WFS1: variants seen among roughly 807,000 people sequenced by gnomAD.
The protein encoded by WFS1 is wolframin ER transmembrane glycoprotein, also known as wolframin.
In WFS1, 90 loss-of-function variants were observed where a neutral mutation model predicts 68.5. The observed-to-expected ratio is 1.31, with a 90% CI of 1.11 to 1.56. The LOEUF (loss-of-function observed/expected upper bound fraction) is 1.56. Ranked by LOEUF, WFS1 falls within the 40% of genes most tolerant of loss-of-function variation. The pLI is 0.00. For synonymous variants in WFS1, 860 were observed against 540.7 expected (o/e 1.59, Z -8.19); for missense variants, 1,767 against 1,232.6 (o/e 1.43, Z -6.49).
Position 6,301,775 on chromosome 4 carries a change from C to G in WFS1, c.1980C>G (p.Tyr660Ter). 1 of 1,613,634 alleles carries G rather than the reference C, an allele frequency of 6.2e-7. No homozygotes were observed. Among genetic ancestry groups the G allele is most frequent in the Non-Finnish European group, 8.5e-7 (1 of 1,180,046 alleles). Residue 660 changes from tyrosine to a stop codon, truncating the protein, a stop_gained, in exon 8 of 8, where the codon TAC becomes TAG. Coordinates refer to ENST00000226760, the MANE Select transcript of WFS1 (RefSeq NM_006005.3). LOFTEE classifies it high-confidence loss of function. ...YVYRSEGMKV[Y>*]NSTLTWQQYG... ...ACCGCTCAGAGGGCATGAAGGTCTA[C>G]AACTCCACACTGACCTGGCAGCAGT...
intron 7 of WFS1, among the ~76,000 whole-genome samples, chr4:6,299,876 C>CGTG (rs1730803483): frequency 4.1e-5 from 2 of 48,974 alleles, no homozygotes; most frequent in African/African-American, 1.9e-4. Context: ...TAGGGGTGGG[C>CGTG]TGCATGTGTG....
intron 5 of WFS1, 65 bp downstream of exon 5, chr4:6,291,432 C>T: frequency 6.3e-7 from 1 of 1,586,222 alleles, no homozygotes; most frequent in Non-Finnish European, 8.5e-7. Flanking sequence ...GAGCCAGGAC[C>T]TTCCCATAGG....
At position 6,281,416 on chromosome 4, in the gene WFS1, C is replaced by T. The variant is rs564920889; in HGVS notation, c.232+3729C>T. Among the ~76,000 whole-genome samples, 10 of 152,174 alleles carry T rather than the reference C, an allele frequency of 6.6e-5. No individual in the cohort carries two copies. The East Asian group carries it at 7.7e-4, about 12-fold the overall frequency. ...GGTCAGGGAAAGGAGAGGGCATTGT[C>T]GTGAGTGGGGCTCAGCTGTTAGATG... is the stretch of plus-strand genomic sequence containing the variant. On this transcript the variant is annotated intron_variant, in intron 2 of 7. Transcript: ENST00000226760.
chr4:6,286,867 C>T (rs1351171922), intron 2 of WFS1, among the ~76,000 whole-genome samples: 2 of 152,202 alleles, frequency 1.3e-5, no homozygotes, highest in African/African-American at 4.8e-5. Context: ...ACCTCACCCG[C>T]ATAGAGTTTG....
At chr4:6,285,633 C>A (rs1195298212) in intron 2 of WFS1, among the ~76,000 whole-genome samples, 4 of 152,252 alleles carry the variant, frequency 2.6e-5, no homozygotes, top group African/African-American at 9.6e-5. Context: ...TGTGACCCTT[C>A]CTCTCTGCCT....
Position 6,277,625 on chromosome 4 carries a change from C to T in WFS1, c.170C>T (p.Ala57Val). The change falls in exon 2 of 8, where the codon GCA becomes GTA. Residue 57 changes from alanine to valine, a missense_variant. Coordinates refer to ENST00000226760, the MANE Select transcript of WFS1 (RefSeq NM_006005.3). ...GGCCCTGGCCCTGGTGTTAGAGACG[C>T]AGCGGCCCCCGCTGAACCCCAGGCC... ...QAGPGPGVRD[A>V]AAPAEPQAQH... is the part of the protein sequence containing the mutation. 6.4e-7 allele frequency: 1 copy of T among 1,571,556 alleles called. No individual in the cohort carries two copies.
intron 1 of WFS1, 148 bp from the exon 2 acceptor site, chr4:6,277,303 G>C: frequency 1.3e-6 from 1 of 768,396 alleles, no homozygotes; most frequent in Non-Finnish European, 2.2e-6. Context: ...CTGGCCCATG[G>C]GGACTGTACT....
chr4:6,302,109 C>A lies in WFS1; in HGVS notation c.2314C>A (p.Arg772Ser). The change falls in exon 8 of 8, where the codon CGC becomes AGC. Residue 772 changes from arginine (R) to serine (S), a missense_variant. By Grantham distance (110) the Arg-to-Ser change is moderately radical. Transcript: ENST00000226760. ...CCCCTGCCACATCAAGAAGTTCGAC[C>A]GCTACAAGTTTGAGATTACCGTGGG... ...KHPCHIKKFD[R>S]YKFEITVGMP... The A allele has an allele frequency of 6.2e-7, 1 of 1,612,938 alleles. No individual in the cohort carries two copies. The highest frequency in any genetic ancestry group is 2.2e-5 in the East Asian group (1 of 44,882).
intron 6 of WFS1, among the ~76,000 whole-genome samples, chr4:6,292,574 C>T (rs1730496722): frequency 6.6e-6 from 1 of 152,072 alleles, no homozygotes; most frequent in South Asian, 2.1e-4. Flanking sequence ...AGAGACGTCA[C>T]ATCCTCCACG....
rs574459169 is a variant in WFS1 at position 6,287,154 on chromosome 4, G to A, written c.294G>A (p.Gly98=). The A allele has an allele frequency of 3.8e-6, 6 of 1,560,422 alleles. No homozygotes were observed. In the South Asian group the frequency reaches 5.9e-5, roughly 15 times the overall value. The part of the protein sequence containing the change: ...FEEVLERAKA[G]DPKAQTEVGK... ...AAGTCCTGGAGAGGGCCAAGGCCGGGGACCCCAAGGCACAGACTGAGGTGA... is the reference window on the plus strand; with the variant it reads ...AAGTCCTGGAGAGGGCCAAGGCCGGAGACCCCAAGGCACAGACTGAGGTGA... The change falls in exon 3 of 8, where the codon GGG becomes GGA. Residue 98 remains glycine (G), a synonymous_variant. Transcript: ENST00000226760. This position sits in a 1 kb window ranked among gnomAD's most constrained non-coding sequence, Gnocchi z 6.4.
At chr4:6,293,383 T>G (rs897620707) in intron 6 of WFS1, among the ~76,000 whole-genome samples, 1 of 152,132 alleles carries the variant, frequency 6.6e-6, no homozygotes, top group Admixed American at 6.5e-5. Flanking sequence ...AACGTTCCCA[T>G]CAGGCATCAT....
chr4:6,271,303 G>A (rs1209364948), intron 1 of WFS1, among the ~76,000 whole-genome samples: 2 of 152,204 alleles, frequency 1.3e-5, no homozygotes, highest in East Asian at 3.9e-4. Flanking sequence ...GCAGACACAG[G>A]AAAAGTTGGC....
Position 6,302,341 on chromosome 4 carries a change from A to G in WFS1, c.2546A>G (p.Asn849Ser), listed in dbSNP as rs778798308. ...GAGCTCAAGGCCATCAGCTGCCTCAACTGCATGGCCCAGCTCTCACCCACC... is the reference window on the plus strand; with the variant it reads ...GAGCTCAAGGCCATCAGCTGCCTCAGCTGCATGGCCCAGCTCTCACCCACC... ...VFELKAISCL[N>S]CMAQLSPTRR... The change falls in exon 8 of 8, where the codon AAC becomes AGC. Residue 849 changes from asparagine (N) to serine (S), a missense_variant. Physicochemically the swap from Asn to Ser is conservative, Grantham distance 46 (BLOSUM62 1). Coordinates refer to ENST00000226760, the MANE Select transcript of WFS1 (RefSeq NM_006005.3). 6 of 1,612,678 alleles carry G rather than the reference A, an allele frequency of 3.7e-6. No individual in the cohort carries two copies. The highest frequency in any genetic ancestry group is 2.7e-5 in the African/African-American group (2 of 74,946).
At chr4:6,284,252 A>G (rs1730246787) in intron 2 of WFS1, among the ~76,000 whole-genome samples, 1 of 152,120 alleles carries the variant, frequency 6.6e-6, no homozygotes, top group African/African-American at 2.4e-5. Context: ...GGCCGCCTGT[A>G]TTCCCAGCTA....
intron 7 of WFS1, among the ~76,000 whole-genome samples, chr4:6,297,681 A>G (rs1333134452): frequency 1.3e-5 from 2 of 152,168 alleles, no homozygotes; most frequent in African/African-American, 2.4e-5. Flanking sequence ...AGGGCCGATC[A>G]CCACAGGCCC....
intron 7 of WFS1, among the ~76,000 whole-genome samples, chr4:6,298,581 T>A (rs1730715804): frequency 1.3e-5 from 2 of 149,988 alleles, no homozygotes; most frequent in Admixed American, 6.6e-5. Flanking sequence ...CACACACTCC[T>A]AAACACTTCC....
At position 6,269,870 on chromosome 4, in the gene WFS1, C is replaced by A. The variant is rs891571805; in HGVS notation, c.-150C>A. On this transcript the variant is annotated 5_prime_UTR_variant, in exon 1 of 8. Coordinates refer to ENST00000226760, the MANE Select transcript of WFS1 (RefSeq NM_006005.3). ...CCCTCGTGCAGAAGGCCGCGCTAGC[C>A]GGCTCTTCAGCAGCGAGTGCAGATT... 1 of 152,232 alleles carries A rather than the reference C, an allele frequency of 6.6e-6. No homozygotes were observed. The highest frequency in any genetic ancestry group is 2.1e-4 in the South Asian group (1 of 4,832). 9.4% of individuals were successfully genotyped at this position (152,232 alleles called of 1,614,324 possible).
chr4:6,299,521 G>T lies in WFS1; in HGVS notation c.862-1136G>T, dbSNP rs111754988. On this transcript the variant is annotated intron_variant, in intron 7 of 7. Coordinates refer to ENST00000226760, the MANE Select transcript of WFS1 (RefSeq NM_006005.3). The stretch of plus-strand genomic sequence containing the variant: ...GTGTAGGGGTGGGTTGCGTGTGTGT[G>T]AATGTGTATAGGGGTGGGTTGTGTG... 7.5e-3 allele frequency among the ~76,000 whole-genome samples: 1,067 copies of T among 141,972 alleles called. 35 individuals are homozygous for T. Among genetic ancestry groups the T allele is most frequent in the African/African-American group, 0.028 (1,001 of 35,906 alleles). 93.1% of individuals were successfully genotyped at this position (141,972 alleles called of 152,430 possible). A position where few individuals can be genotyped will look rare whatever the true frequency, so the allele number is the denominator to read the frequency against.
At chr4:6,289,385 C>T (rs1730401972) in intron 4 of WFS1, among the ~76,000 whole-genome samples, 1 of 152,250 alleles carries the variant, frequency 6.6e-6, no homozygotes, top group Non-Finnish European at 1.5e-5. Flanking sequence ...ATACATCCTG[C>T]TTCCCTGCTG....
Sources: gnomAD v4.1 joint callset for allele counts (sites outside exome capture counted in the v4.1 genomes callset) on GRCh38, gnomAD v4.1.1 for gene constraint, Gnocchi (gnomAD v3.1) non-coding constraint, MANE v1.5 for transcripts, NCBI Gene and HGNC (gene_info 2026-07-23, HGNC 2026-07-21) for gene names.